Variants in LRP1B observed in about 807,000 individuals in gnomAD.
LRP1B encodes the protein low-density lipoprotein receptor-related protein 1B.
A neutral mutation model predicts 556.6 loss-of-function variants in LRP1B; 217 were observed. That is an observed-to-expected ratio of 0.39 (90% CI 0.35 to 0.44). LRP1B has a LOEUF of 0.44. Among genes scored for constraint, LRP1B ranks in the 20% least tolerant of loss-of-function variants. The probability of loss-of-function intolerance (pLI) is 1.00; values close to 1 mark genes in which losing one functional copy is unlikely to be tolerated. For synonymous variants in LRP1B, 2,047 were observed against 1,865.8 expected (o/e 1.10, Z -2.50); for missense variants, 5,053 against 5,620.8 (o/e 0.90, Z 3.23).
chr2:140,908,320 G>GCT (rs199947973), intron 21 of LRP1B, among the ~76,000 whole-genome samples: 52 of 138,416 alleles, frequency 3.8e-4, no homozygotes, highest in African/African-American at 5.3e-4. Flanking sequence ...TCATTGCTCT[G>GCT]CTCTCTCTCT....
intron 37 of LRP1B, among the ~76,000 whole-genome samples, chr2:140,706,571 A>T (rs1686844499): frequency 1.3e-5 from 2 of 152,158 alleles, no homozygotes; most frequent in African/African-American, 4.8e-5. Flanking sequence ...CATAATACAA[A>T]TGTCTTTATT....
chr2:141,958,807 C>A (rs992709304), intron 1 of LRP1B, among the ~76,000 whole-genome samples: 13 of 151,928 alleles, frequency 8.6e-5, no homozygotes, highest in Admixed American at 8.5e-4. Flanking sequence ...TAAACTCAGA[C>A]TGGTGTAAGG....
rs2105367019 is a variant in LRP1B, at chr2:140,487,739, C to T, written c.9121G>A (p.Gly3041Arg). ...DGSNYTLLKQ[G>R]LNNVIAIDFD... is the part of the protein sequence containing the mutation. ...TCTATAGCAATAACATTGTTTAATC[C>T]CTGAAAATAAAAAAGACTATGTTGT... Residue 3041 changes from glycine to arginine, a missense_variant and splice_region_variant, in exon 58 of 91, where the codon GGA (glycine) becomes AGA (arginine). Around this residue, in one of 5 missense-constraint regions of LRP1B, gnomAD observed 3,619 missense variants for 3,931.9 expected, o/e 0.92. Coordinates refer to ENST00000389484, the MANE Select transcript of LRP1B (RefSeq NM_018557.3). 5 of 1,513,128 alleles carry T rather than the reference C, an allele frequency of 3.3e-6. No homozygotes were observed. The highest frequency in any genetic ancestry group is 4.5e-6 in the Non-Finnish European group (5 of 1,110,288). 93.7% of individuals were successfully genotyped at this position (1,513,128 alleles called of 1,614,324 possible). A position where few individuals can be genotyped will look rare whatever the true frequency, so the allele number is the denominator to read the frequency against.
At chr2:141,049,302 G>T (rs1324125080) in intron 10 of LRP1B, 80 bp from the exon 11 acceptor site, 2 of 874,096 alleles carry the variant, frequency 2.3e-6, no homozygotes, top group Non-Finnish European at 3.7e-6. Context: ...CGTTTAACTG[G>T]CACAATTAGC....
intron 37 of LRP1B, among the ~76,000 whole-genome samples, chr2:140,703,529 A>C (rs1214180870): frequency 6.6e-6 from 1 of 152,178 alleles, no homozygotes; most frequent in East Asian, 1.9e-4. Context: ...TCAGCAGTGA[A>C]TAAAGTTTTA....
At chr2:141,794,357 C>T (rs138653382) in intron 2 of LRP1B, among the ~76,000 whole-genome samples, 83 of 151,758 alleles carry the variant, frequency 5.5e-4, no homozygotes, top group African/African-American at 1.9e-3. Context: ...AACCTAAATC[C>T]CTCTTACAAA....
chr2:141,834,005 G>A (rs894641083), intron 1 of LRP1B, among the ~76,000 whole-genome samples: 2 of 151,290 alleles, frequency 1.3e-5, no homozygotes, highest in Non-Finnish European at 3.0e-5. Context: ...AGAAGAAACA[G>A]TATACACAAA....
intron 19 of LRP1B, among the ~76,000 whole-genome samples, chr2:140,951,558 G>A (rs1201212052): frequency 1.3e-5 from 2 of 152,116 alleles, no homozygotes; most frequent in Non-Finnish European, 2.9e-5. Flanking sequence ...TATGGAACCC[G>A]AGATGTCCAG....
In LRP1B at chr2:140,654,046, A is replaced by G. The variant is rs991986102; in HGVS notation, c.6799+46204T>C. 5.2e-4 allele frequency among the ~76,000 whole-genome samples: 78 copies of G among 149,602 alleles called. 1 individual carries two copies. Among genetic ancestry groups the G allele is most frequent in the Non-Finnish European group, 4.2e-4 (28 of 67,060 alleles). Reference sequence around the variant, plus strand: ...ATCTCAAAAAAAAAAAAAAAAAAAAAAAAAAGAGAGAGAGTTTAACTACAT... The same window carrying G: ...ATCTCAAAAAAAAAAAAAAAAAAAAGAAAAAGAGAGAGAGTTTAACTACAT... On this transcript the variant is annotated intron_variant, in intron 41 of 90. Transcript: ENST00000389484.
intron 2 of LRP1B, among the ~76,000 whole-genome samples, chr2:141,550,948 A>G (rs1685729191): frequency 6.6e-6 from 1 of 152,122 alleles, no homozygotes. Context: ...ATTTATTTAC[A>G]TATAATCTGA....
intron 28 of LRP1B, among the ~76,000 whole-genome samples, chr2:140,851,384 C>T (rs1018003808): frequency 3.4e-4 from 52 of 151,948 alleles, no homozygotes; most frequent in African/African-American, 1.1e-3. Context: ...ACTCTGCTAA[C>T]GTACCAAATA....
At chr2:141,821,697 G>C (rs1402199063) in intron 1 of LRP1B, among the ~76,000 whole-genome samples, 2 of 152,006 alleles carry the variant, frequency 1.3e-5, no homozygotes, top group East Asian at 3.9e-4. Flanking sequence ...ATAAGTAATA[G>C]TATATTTTTA....
In LRP1B at chr2:140,855,493, G is replaced by GA. The variant is rs56835236; in HGVS notation, c.4580-3711dup. ...GACAGGTAGGTCCCATCTCTACTGG[G>GA]AAAAAAAAAAAATTTGAATGGCTTC... is the stretch of plus-strand genomic sequence containing the variant. On this transcript the variant is annotated intron_variant, in intron 27 of 90. Transcript: ENST00000389484. Among the ~76,000 whole-genome samples the GA allele has an allele frequency of 1.6e-3, 158 of 99,390 alleles. 6 individuals are homozygous for GA. Among genetic ancestry groups the GA allele is most frequent in the African/African-American group, 4.9e-3 (129 of 26,462 alleles). The allele number at this position is 99,390 out of a possible 152,430, so 65.2% of individuals were successfully genotyped here. A position where few individuals can be genotyped will look rare whatever the true frequency, so the allele number is the denominator to read the frequency against.
chr2:141,067,749 C>T (rs954767590), intron 7 of LRP1B, among the ~76,000 whole-genome samples: 1 of 152,004 alleles, frequency 6.6e-6, no homozygotes, highest in South Asian at 2.1e-4. Flanking sequence ...AAATCATAGA[C>T]TGAGAGGAGT....
At chr2:140,803,209 C>T (rs1190962753) in intron 32 of LRP1B, among the ~76,000 whole-genome samples, 2 of 148,368 alleles carry the variant, frequency 1.3e-5, no homozygotes, top group African/African-American at 5.0e-5. Flanking sequence ...CTTCATAATA[C>T]TTAAGCACTT....
chr2:140,795,069 A>AT (rs1420623189), intron 32 of LRP1B, among the ~76,000 whole-genome samples: 4 of 152,148 alleles, frequency 2.6e-5, no homozygotes, highest in Admixed American at 6.5e-5. Context: ...AGAAAAAATG[A>AT]TTTTTTTAAA....
chr2:140,406,556 C>A (rs1254078445), intron 66 of LRP1B, among the ~76,000 whole-genome samples: 2 of 151,942 alleles, frequency 1.3e-5, no homozygotes, highest in African/African-American at 2.4e-5. Flanking sequence ...AACAGTGACC[C>A]AGCTGAGAAT....
chr2:140,748,799 C>CATAT lies in LRP1B; in HGVS notation c.5758+20410_5758+20413dup, dbSNP rs1491264397. 2.7e-3 allele frequency among the ~76,000 whole-genome samples: 50 copies of CATAT among 18,428 alleles called. 2 individuals are homozygous for CATAT. The highest frequency in any genetic ancestry group is 4.8e-3 in the Admixed American group (6 of 1,256). The allele number at this position is 18,428 out of a possible 152,430, so 12.1% of individuals were successfully genotyped here. On this transcript the variant is annotated intron_variant, in intron 35 of 90. Transcript: ENST00000389484. ...ATATGTATATAATATATATTATATA[C>CATAT]ATATTATATACATGTATATAATATA...
At chr2:140,320,460 C>A (rs1680051691) in intron 82 of LRP1B, among the ~76,000 whole-genome samples, 1 of 152,022 alleles carries the variant, frequency 6.6e-6, no homozygotes. Context: ...GGGTAAGGAC[C>A]CAGAGTCCAC....
Sources: gnomAD v4.1 joint callset for allele counts (sites outside exome capture counted in the v4.1 genomes callset) on GRCh38, gnomAD v4.1.1 for gene constraint, gnomAD v4.1.1 regional missense constraint, MANE v1.5 for transcripts, NCBI Gene and HGNC (gene_info 2026-07-23, HGNC 2026-07-21) for gene names.